WNT5A: variants seen among roughly 807,000 people sequenced by gnomAD.
WNT5A encodes the protein Wnt family member 5A, also known as protein Wnt-5a.
WNT5A carries 9 observed loss-of-function variants against 42.1 expected under a neutral mutation model. The ratio of observed to expected loss-of-function variants is 0.21; its 90% CI spans 0.13 to 0.37. The LOEUF is 0.37. Among genes scored for constraint, WNT5A ranks in the 10% least tolerant of loss-of-function variants. The pLI is 1.00. For missense variants in WNT5A, 426 were observed against 534.0 expected (o/e 0.80, Z 1.99); for synonymous variants, 210 against 210.0 (o/e 1.00, Z 0.00).
At position 55,479,429 on chromosome 3, in the gene WNT5A, G is replaced by A. The variant is rs2106946016; in HGVS notation, c.276C>T (p.Tyr92=). 2 of 1,614,016 alleles carry A rather than the reference G, an allele frequency of 1.2e-6. No homozygotes were observed. The change falls in exon 3 of 5, where the codon TAC becomes TAT. Residue 92 remains tyrosine, a synonymous_variant. Transcript: ENST00000264634. ...TGCCTGTCTTCGCGCCTTCTCCGAT[G>A]TACTGCATGTGGTCCTGATACAAGT... is the stretch of plus-strand genomic sequence containing the variant. ...LCHLYQDHMQ[Y]IGEGAKTGIK...
chr3:55,491,831 TCA>T (rs1302753562), upstream of WNT5A, among the ~76,000 whole-genome samples: 1 of 152,190 alleles, frequency 6.6e-6, no homozygotes, highest in Non-Finnish European at 1.5e-5. Flanking sequence ...CTCCTTCACC[TCA>T]GAGTCAAGAC....
rs780838994 is a variant in WNT5A at position 55,474,317 on chromosome 3, G to A, written c.684+20C>T. 12 of 1,612,414 alleles carry A rather than the reference G, an allele frequency of 7.4e-6. No homozygotes were observed. The highest frequency in any genetic ancestry group is 1.1e-5 in the South Asian group (1 of 90,952). On this transcript the variant is annotated intron_variant, in intron 4 of 4. Coordinates refer to ENST00000264634, the MANE Select transcript of WNT5A (RefSeq NM_003392.7). Reference sequence around the variant, plus strand: ...GTGAGAAGACAGAGATGCGGGGCGGGGGCGAGACGCGGCACTCACCCTGCG... The same window carrying A: ...GTGAGAAGACAGAGATGCGGGGCGGAGGCGAGACGCGGCACTCACCCTGCG...
At chr3:55,498,017 G>A in the WNT5A span, among the ~76,000 whole-genome samples, 2 of 152,162 alleles carry the variant, frequency 1.3e-5, no homozygotes, top group Non-Finnish European at 2.9e-5. Flanking sequence ...TCATGTTTAA[G>A]TCAAAATTGT....
chr3:55,470,276 G>A lies in WNT5A; in HGVS notation c.959C>T (p.Thr320Met), dbSNP rs922958622. 1 of 1,613,996 alleles carries A rather than the reference G, an allele frequency of 6.2e-7. No homozygotes were observed. Among genetic ancestry groups the A allele is most frequent in the Non-Finnish European group, 8.5e-7 (1 of 1,179,914 alleles). The change falls in exon 5 of 5, where the codon ACG becomes ATG. Residue 320 changes from threonine to methionine, a missense_variant. By Grantham distance (81) the Thr-to-Met change is moderately conservative. Transcript: ENST00000264634. ...VRNESTGSLG[T>M]QGRLCNKTSE... The stretch of plus-strand genomic sequence containing the variant: ...CGTCTTGTTGCACAGGCGGCCCTGC[G>A]TGCCCAGCGAGCCGGTGCTCTCATT...
At chr3:55,494,871 A>T (rs888087653), upstream of WNT5A, among the ~76,000 whole-genome samples, 1 of 152,052 alleles carries the variant, frequency 6.6e-6, no homozygotes, top group Admixed American at 6.6e-5. Context: ...AAATAGACCA[A>T]ATTCATCCCT....
upstream of WNT5A, among the ~76,000 whole-genome samples, chr3:55,488,998 G>A (rs1019994642): frequency 1.0e-4 from 11 of 108,924 alleles, no homozygotes; most frequent in African/African-American, 4.4e-4. Context: ...ATCTGGCTCC[G>A]GCCCAGAGCA....
intron 1 of WNT5A, 48 bp from the exon 2 acceptor site, chr3:55,480,966 T>C (rs144446965): frequency 7.1e-7 from 1 of 1,404,572 alleles, no homozygotes; most frequent in Non-Finnish European, 9.3e-7. Flanking sequence ...TCAGATAATT[T>C]TCAAGCATAC....
At chr3:55,499,379 T>TGAG in the WNT5A span, among the ~76,000 whole-genome samples, 2 of 152,106 alleles carry the variant, frequency 1.3e-5, no homozygotes, top group Non-Finnish European at 2.9e-5. Context: ...AGACAGTAGG[T>TGAG]GAGGAGTTTC....
upstream of WNT5A, among the ~76,000 whole-genome samples, chr3:55,488,511 G>GA (rs139221794): frequency 0.17 from 26,335 of 151,680 alleles, 2,679 homozygotes; most frequent in Non-Finnish European, 0.23. Context: ...GGGGAAGAAA[G>GA]AAAAAACTCA....
upstream of WNT5A, chr3:55,489,698 G>C (rs548721539): frequency 6.6e-6 from 1 of 152,372 alleles, no homozygotes; most frequent in African/African-American, 2.4e-5. Flanking sequence ...GGAATCCAAG[G>C]TTCTCAAAGC....
chr3:55,495,824 C>T, the WNT5A span, among the ~76,000 whole-genome samples: 1 of 152,066 alleles, frequency 6.6e-6, no homozygotes, highest in Admixed American at 6.5e-5. Flanking sequence ...AAATGTTACA[C>T]AATTTTTAAT....
chr3:55,483,650 G>A lies in WNT5A; in HGVS notation c.7-2732C>T, dbSNP rs968133704. ...CTTCCTCGCGTGCCACGGGGAGGAGGACTGGGGGCGTTTGAGGGGCTCAGC... is the reference window on the plus strand; with the variant it reads ...CTTCCTCGCGTGCCACGGGGAGGAGAACTGGGGGCGTTTGAGGGGCTCAGC... On this transcript the variant is annotated intron_variant, in intron 1 of 4. Coordinates refer to ENST00000264634, the MANE Select transcript of WNT5A (RefSeq NM_003392.7). This position sits in a 1 kb window ranked among gnomAD's most constrained non-coding sequence, Gnocchi z 4.2. Among the ~76,000 whole-genome samples, 3 of 152,222 alleles carry A rather than the reference G, an allele frequency of 2.0e-5. No individual in the cohort carries two copies. Among genetic ancestry groups the A allele is most frequent in the Non-Finnish European group, 4.4e-5 (3 of 68,046 alleles).
intron 4 of WNT5A, 84 bp downstream of exon 4, chr3:55,474,253 G>C: frequency 1.9e-6 from 3 of 1,559,200 alleles, no homozygotes; most frequent in Non-Finnish European, 2.6e-6. Flanking sequence ...AGGAGAGGAC[G>C]GAGCTACAGG....
rs370022547 is a variant in WNT5A at position 55,487,001 on chromosome 3, G to C, written c.-16C>G. 6.2e-7 allele frequency: 1 copy of C among 1,611,354 alleles called. No homozygotes were observed. The highest frequency in any genetic ancestry group is 8.5e-7 in the Non-Finnish European group (1 of 1,178,800). On this transcript the variant is annotated 5_prime_UTR_variant, in exon 1 of 5. Transcript: ENST00000264634. The stretch of plus-strand genomic sequence containing the variant: ...CTACCTTCATGGCGAGGGGGAGGGG[G>C]CGCGGGGAGGAAGTCGCCACCCGAG...
Position 55,466,034 on chromosome 3 carries a change from C to G in WNT5A, c.*4058G>C, listed in dbSNP as rs1478690513. 6.6e-6 allele frequency: 1 copy of G among 152,086 alleles called. No homozygotes were observed. The highest frequency in any genetic ancestry group is 2.4e-5 in the African/African-American group (1 of 41,434). The allele number at this position is 152,086 out of a possible 1,614,324, so 9.4% of individuals were successfully genotyped here. ...GATTAAAGTGTAAAGTTTGTGTGAACAGGGAAATTAGATCATTTCTCTAAG... is the reference window on the plus strand; with the variant it reads ...GATTAAAGTGTAAAGTTTGTGTGAAGAGGGAAATTAGATCATTTCTCTAAG... On this transcript the variant is annotated 3_prime_UTR_variant, in exon 5 of 5. Transcript: ENST00000264634.
At chr3:55,495,352 T>C (rs11916364), upstream of WNT5A, among the ~76,000 whole-genome samples, 42,047 of 152,058 alleles carry the variant, frequency 0.28, 5,949 homozygotes, top group South Asian at 0.41. Context: ...CTCGTCCCTC[T>C]CCCTACTTTG....
intron 4 of WNT5A, 45 bp downstream of exon 4, chr3:55,474,292 G>T (rs761079758): frequency 1.2e-6 from 2 of 1,609,932 alleles, no homozygotes; most frequent in South Asian, 2.2e-5. Flanking sequence ...GGAGGGCAAG[G>T]TGAGAAGACA....
the WNT5A span, among the ~76,000 whole-genome samples, chr3:55,496,096 T>C: frequency 6.6e-6 from 1 of 152,208 alleles, no homozygotes; most frequent in Admixed American, 6.5e-5. Context: ...CCCAACCCCC[T>C]TAAAAGGTAC....
rs1466429974 is a variant in WNT5A, at chr3:55,487,160, G to A, written c.-175C>T. The A allele has an allele frequency of 1.5e-5, 9 of 597,930 alleles. No homozygotes were observed. Among genetic ancestry groups the A allele is most frequent in the East Asian group, 2.9e-5 (1 of 35,024 alleles). The allele number at this position is 597,930 out of a possible 1,614,324, so 37.0% of individuals were successfully genotyped here. On this transcript the variant is annotated 5_prime_UTR_variant, in exon 1 of 5. Coordinates refer to ENST00000264634, the MANE Select transcript of WNT5A (RefSeq NM_003392.7). ...GGAGCTGAAGCGGGCACTGGCGCCC[G>A]GGCCTGGACTCCCGAGTTGGGGCAG...
Sources: allele counts gnomAD v4.1 joint callset (sites outside exome capture counted in the v4.1 genomes callset), GRCh38; gene constraint gnomAD v4.1.1; non-coding constraint Gnocchi (gnomAD v3.1); transcripts MANE v1.5; gene names NCBI Gene and HGNC (gene_info 2026-07-23, HGNC 2026-07-21).